Variants in ARSG observed in about 807,000 individuals in gnomAD.
ARSG encodes ASG.
A neutral mutation model predicts 50.5 loss-of-function variants in ARSG; 37 were observed. That is an observed-to-expected ratio of 0.73 (90% CI 0.56 to 0.96). ARSG has a LOEUF of 0.96. Ranked by LOEUF, ARSG falls within the 50% of genes least tolerant of loss-of-function variation. ARSG has a pLI of 0.00. For synonymous variants in ARSG, 225 were observed against 254.6 expected, an observed-to-expected ratio of 0.88 and a Z score of 1.11; for missense variants, 629 against 675.3, an observed-to-expected ratio of 0.93 and a Z score of 0.76.
chr17:68,377,142 G>A (rs976925915), intron 8 of ARSG, among the ~76,000 whole-genome samples: 12 of 152,176 alleles, frequency 7.9e-5, no homozygotes, highest in South Asian at 2.1e-4. Flanking sequence ...GATTACAGGC[G>A]TGAGCCACCG....
chr17:68,341,922 C>A (rs113018660), intron 2 of ARSG, among the ~76,000 whole-genome samples: 1 of 152,012 alleles, frequency 6.6e-6, no homozygotes, highest in South Asian at 2.1e-4. Flanking sequence ...TCGGTTCAAG[C>A]GATTCTCCTG....
chr17:68,373,740 T>C (rs2146813892), intron 8 of ARSG, among the ~76,000 whole-genome samples: 1 of 152,180 alleles, frequency 6.6e-6, no homozygotes, highest in East Asian at 1.9e-4. Context: ...TCTCTCTCTA[T>C]ATATATGTAT....
chr17:68,361,567 AAAAC>A (rs756084104), intron 6 of ARSG, among the ~76,000 whole-genome samples: 42 of 152,206 alleles, frequency 2.8e-4, no homozygotes, highest in Non-Finnish European at 5.3e-4. Flanking sequence ...AAAACACAAC[AAAAC>A]AAACAAACAA....
chr17:68,421,709 T>C (rs2082787262), downstream of ARSG: 1 of 1,611,272 alleles, frequency 6.2e-7, no homozygotes, highest in Admixed American at 1.7e-5. Flanking sequence ...TTCTTCCGCC[T>C]TCCTTGTTTT....
At position 68,291,563 on chromosome 17, in the gene ARSG, C is replaced by G. The variant is rs2075991272; in HGVS notation, c.-557C>G. 6.6e-6 allele frequency: 1 copy of G among 150,882 alleles called. No individual in the cohort carries two copies. Among genetic ancestry groups the G allele is most frequent in the Non-Finnish European group, 1.5e-5 (1 of 67,628 alleles). The allele number at this position is 150,882 out of a possible 1,614,324, so 9.3% of individuals were successfully genotyped here. A position where few individuals can be genotyped will look rare whatever the true frequency, so the allele number is the denominator to read the frequency against. ...AGCCTGCCGCCTGGGCTGGGGGTCA[C>G]GAAAGGTAACCGCGTCGCGGTCCGG... On this transcript the variant is annotated 5_prime_UTR_variant, in exon 1 of 12. Coordinates refer to ENST00000621439, the MANE Select transcript of ARSG (RefSeq NM_001267727.2).
intron 1 of ARSG, among the ~76,000 whole-genome samples, chr17:68,300,256 T>C (rs1555761241): frequency 1.3e-5 from 2 of 152,282 alleles, no homozygotes; most frequent in African/African-American, 4.8e-5. Flanking sequence ...TGGGGCTTAT[T>C]TCAAAATAAT....
chr17:68,274,822 C>G (rs1352537562), intron 1 of ARSG, among the ~76,000 whole-genome samples: 1 of 146,404 alleles, frequency 6.8e-6, no homozygotes, highest in Non-Finnish European at 1.5e-5. Context: ...CTCTTGTTTT[C>G]TAGGCTGGAG....
chr17:68,263,650 A>G (rs2075107488), intron 1 of ARSG, among the ~76,000 whole-genome samples: 1 of 151,952 alleles, frequency 6.6e-6, no homozygotes, highest in Non-Finnish European at 1.5e-5. Context: ...TGGTTTCGCC[A>G]TGTGGCCCAG....
chr17:68,426,242 T>TGGGGGGG (rs754701731), downstream of ARSG: 147 of 682,652 alleles, frequency 2.2e-4, 21 homozygotes, highest in Middle Eastern at 4.9e-4. Context: ...ACCTGGCGGG[T>TGGGGGGG]GGGGAGCGGG....
chr17:68,291,570 T>G lies in ARSG; in HGVS notation c.-552+2T>G, dbSNP rs1555756034. The G allele has an allele frequency of 6.7e-6, 1 of 149,668 alleles. No individual in the cohort carries two copies. The highest frequency in any genetic ancestry group is 2.5e-5 in the African/African-American group (1 of 40,704). 9.3% of individuals were successfully genotyped at this position (149,668 alleles called of 1,614,324 possible). A position where few individuals can be genotyped will look rare whatever the true frequency, so the allele number is the denominator to read the frequency against. ...CGCCTGGGCTGGGGGTCACGAAAGGTAACCGCGTCGCGGTCCGGGGCCGGG... is the reference window on the plus strand; with the variant it reads ...CGCCTGGGCTGGGGGTCACGAAAGGGAACCGCGTCGCGGTCCGGGGCCGGG... On this transcript the variant is annotated splice_donor_variant, in intron 1 of 11. Transcript: ENST00000621439. LOFTEE classifies it low-confidence loss of function (5UTR_SPLICE).
chr17:68,412,007 T>C (rs1359702271), intron 11 of ARSG, among the ~76,000 whole-genome samples: 12 of 152,230 alleles, frequency 7.9e-5, no homozygotes, highest in Non-Finnish European at 2.9e-5. Flanking sequence ...TTTGAGCCTA[T>C]GTGTGTCTCT....
At chr17:68,430,299 G>A in the ARSG span, 43 of 801,566 alleles carry the variant, frequency 5.4e-5, no homozygotes, top group African/African-American at 5.5e-4. Flanking sequence ...TCTGCCCACT[G>A]AGAACAATCC....
chr17:68,414,968 T>A (rs2082278711), intron 11 of ARSG, among the ~76,000 whole-genome samples: 1 of 152,228 alleles, frequency 6.6e-6, no homozygotes, highest in Admixed American at 6.5e-5. Context: ...TTTATTCATA[T>A]TTTCAAAGAA....
chr17:68,366,231 G>A (rs535001000), intron 6 of ARSG, among the ~76,000 whole-genome samples: 1 of 123,216 alleles, frequency 8.1e-6, no homozygotes, highest in Non-Finnish European at 1.8e-5. Context: ...GAGCCACTAC[G>A]CCTGGCAAAA....
intron 10 of ARSG, among the ~76,000 whole-genome samples, chr17:68,398,262 CCTATGCATGT>C (rs1334220787): frequency 2.3e-3 from 347 of 151,930 alleles, no homozygotes; most frequent in African/African-American, 8.0e-3. Flanking sequence ...CATATGTATG[CCTATGCATGT>C]CTATGCACAT....
chr17:68,366,030 G>A lies in ARSG; in HGVS notation c.705-2518G>A, dbSNP rs1028968423. On this transcript the variant is annotated intron_variant, in intron 6 of 11. Coordinates refer to ENST00000621439, the MANE Select transcript of ARSG (RefSeq NM_001267727.2). ...TGGCTCACTGCAACCTCTGCCTCCT[G>A]GTTTCAAGTGGTTCTCCCTGCCTCA... Among the ~76,000 whole-genome samples, 5 of 151,968 alleles carry A rather than the reference G, an allele frequency of 3.3e-5. No homozygotes were observed. In the South Asian group the frequency reaches 8.3e-4, roughly 25 times the overall value.
At chr17:68,447,881 T>C in the ARSG span, among the ~76,000 whole-genome samples, 4 of 150,116 alleles carry the variant, frequency 2.7e-5, no homozygotes, top group African/African-American at 9.8e-5. Context: ...TAGTCCCAGC[T>C]ACTTGGGAGG....
At chr17:68,319,798 G>A (rs1280778835) in intron 2 of ARSG, among the ~76,000 whole-genome samples, 1 of 152,192 alleles carries the variant, frequency 6.6e-6, no homozygotes, top group Non-Finnish European at 1.5e-5. Flanking sequence ...GTAGTGTGCT[G>A]TGAGAGTGGA....
intron 2 of ARSG, among the ~76,000 whole-genome samples, chr17:68,322,350 C>T (rs1410849664): frequency 1.3e-5 from 2 of 152,168 alleles, no homozygotes; most frequent in Non-Finnish European, 2.9e-5. Context: ...GATAGCTGGC[C>T]GGGCGCGGTG....
Sources: allele counts gnomAD v4.1 joint callset (sites outside exome capture counted in the v4.1 genomes callset), GRCh38; gene constraint gnomAD v4.1.1; transcripts MANE v1.5; gene names NCBI Gene and HGNC (gene_info 2026-07-23, HGNC 2026-07-21).